Variants in ADARB2 observed in about 807,000 individuals in gnomAD.
The protein encoded by ADARB2 is adenosine deaminase RNA specific B2 (inactive).
Under a neutral mutation model 62.2 loss-of-function variants are expected in ADARB2, and 25 were observed. That is an observed-to-expected ratio of 0.40 (90% CI 0.29 to 0.56). ADARB2 has a LOEUF of 0.56. ADARB2 is among the 20% of genes least tolerant of loss of function. ADARB2 has a pLI of 0.43. For missense variants in ADARB2, 1,071 were observed against 1,077.4 expected, an observed-to-expected ratio of 0.99 and a Z score of 0.08; for synonymous variants, 572 against 500.8, an observed-to-expected ratio of 1.14 and a Z score of -1.90.
At chr10:1,293,878 G>A (rs188939113) in intron 3 of ADARB2, among the ~76,000 whole-genome samples, 1 of 152,184 alleles carries the variant, frequency 6.6e-6, no homozygotes, top group East Asian at 1.9e-4. Context: ...CTGTAAAACA[G>A]ACTTTACTCA....
intron 1 of ADARB2, among the ~76,000 whole-genome samples, chr10:1,484,704 A>T (rs1041965976): frequency 2.6e-5 from 4 of 152,130 alleles, no homozygotes; most frequent in Admixed American, 6.6e-5. Flanking sequence ...GCACATGTGT[A>T]AGTGCGTGTG....
At chr10:1,570,094 A>C (rs1832914630) in intron 1 of ADARB2, among the ~76,000 whole-genome samples, 1 of 152,174 alleles carries the variant, frequency 6.6e-6, no homozygotes, top group South Asian at 2.1e-4. Flanking sequence ...TTCACATACA[A>C]ACGTATATAC....
In ADARB2 at chr10:1,591,483, G is replaced by A. The variant is rs1437633880; in HGVS notation, c.100+145568C>T. Among the ~76,000 whole-genome samples, 12 of 152,156 alleles carry A rather than the reference G, an allele frequency of 7.9e-5. No individual in the cohort carries two copies. The East Asian group carries it at 1.5e-3, about 20-fold the overall frequency. ...CAGTGGGGCTGCATTTGGGGGCAGG[G>A]GTCTTCATGGGAGCCCCTGAGTTCA... On this transcript the variant is annotated intron_variant, in intron 1 of 9. Coordinates refer to ENST00000381312, the MANE Select transcript of ADARB2 (RefSeq NM_018702.4).
intron 1 of ADARB2, among the ~76,000 whole-genome samples, chr10:1,513,743 G>A (rs577149028): frequency 6.6e-6 from 1 of 152,318 alleles, no homozygotes; most frequent in South Asian, 2.1e-4. Flanking sequence ...TGGAGAAGGA[G>A]AAGCTCTGGG....
rs200882494 is a variant in ADARB2 at position 1,616,624 on chromosome 10, T to G, written c.100+120427A>C. Among the ~76,000 whole-genome samples, 60 of 139,248 alleles carry G rather than the reference T, an allele frequency of 4.3e-4. 2 individuals carry two copies. The East Asian group carries it at 0.013, about 29-fold the overall frequency. 91.4% of individuals were successfully genotyped at this position (139,248 alleles called of 152,430 possible). On this transcript the variant is annotated intron_variant, in intron 1 of 9. Coordinates refer to ENST00000381312, the MANE Select transcript of ADARB2 (RefSeq NM_018702.4). ...ACTGGCCTCAGAGGGTTGCATTCTG[T>G]CGCTAGATGTTTGTGTGCCCGTCCA...
intron 1 of ADARB2, among the ~76,000 whole-genome samples, chr10:1,635,136 C>T (rs188672577): frequency 7.2e-5 from 11 of 152,298 alleles, no homozygotes; most frequent in East Asian, 5.8e-4. Context: ...ATGTATCTTA[C>T]GTAGAGGAGT....
chr10:1,247,876 C>T (rs1300220654), intron 4 of ADARB2, among the ~76,000 whole-genome samples: 1 of 152,162 alleles, frequency 6.6e-6, no homozygotes, highest in Non-Finnish European at 1.5e-5. Flanking sequence ...GGGGCTGTGT[C>T]AACCCTGCAC....
chr10:1,362,968 C>CG, intron 3 of ADARB2, 60 bp downstream of exon 3: 1 of 1,260,272 alleles, frequency 7.9e-7, no homozygotes, highest in Non-Finnish European at 1.0e-6. Flanking sequence ...AGGGAAAGGT[C>CG]GGGGTCTCCC....
At chr10:1,401,645 G>A (rs1564280184) in intron 1 of ADARB2, among the ~76,000 whole-genome samples, 3 of 152,230 alleles carry the variant, frequency 2.0e-5, no homozygotes, top group Admixed American at 6.5e-5. Context: ...TGTGTATCCC[G>A]TGTCCCCATT....
intron 3 of ADARB2, among the ~76,000 whole-genome samples, chr10:1,322,026 T>G (rs1343059485): frequency 1.3e-5 from 2 of 151,522 alleles, no homozygotes; most frequent in East Asian, 1.9e-4. Context: ...CCATCCTGCC[T>G]CCTCCTCCCT....
At chr10:1,587,300 C>T (rs1335103182) in intron 1 of ADARB2, among the ~76,000 whole-genome samples, 1 of 152,192 alleles carries the variant, frequency 6.6e-6, no homozygotes, top group African/African-American at 2.4e-5. Context: ...TCCGGGGGCC[C>T]TTTAGAGACC....
chr10:1,618,770 A>G (rs943877363), intron 1 of ADARB2, among the ~76,000 whole-genome samples: 17 of 152,208 alleles, frequency 1.1e-4, no homozygotes, highest in African/African-American at 3.6e-4. Flanking sequence ...TACAAATAAA[A>G]GAGTATTGTT....
intron 1 of ADARB2, among the ~76,000 whole-genome samples, chr10:1,684,606 C>T (rs996256832): frequency 2.0e-5 from 3 of 152,198 alleles, no homozygotes; most frequent in African/African-American, 7.2e-5. Context: ...ATATGTCTCA[C>T]CAAATGGCAA....
At chr10:1,731,507 A>G (rs745487699) in intron 1 of ADARB2, among the ~76,000 whole-genome samples, 1 of 152,220 alleles carries the variant, frequency 6.6e-6, no homozygotes, top group South Asian at 2.1e-4. Context: ...CAAAAATTTT[A>G]TAAGCATTGT....
chr10:1,579,931 C>T (rs929959950), intron 1 of ADARB2, among the ~76,000 whole-genome samples: 2 of 152,164 alleles, frequency 1.3e-5, no homozygotes, highest in Non-Finnish European at 2.9e-5. Context: ...CCTTTCAGGA[C>T]TCAGGGGCTC....
At chr10:1,617,818 G>C (rs1308860112) in intron 1 of ADARB2, among the ~76,000 whole-genome samples, 2 of 152,180 alleles carry the variant, frequency 1.3e-5, no homozygotes, top group Non-Finnish European at 2.9e-5. Flanking sequence ...GCCTCAGAGG[G>C]TTTTGCATTC....
At chr10:1,280,454 T>C (rs990323493) in intron 3 of ADARB2, among the ~76,000 whole-genome samples, 1 of 152,170 alleles carries the variant, frequency 6.6e-6, no homozygotes, top group African/African-American at 2.4e-5. Context: ...TGACATCTCC[T>C]TGCTTCCAGC....
intron 1 of ADARB2, among the ~76,000 whole-genome samples, chr10:1,673,318 G>A (rs1420829100): frequency 7.9e-6 from 1 of 126,756 alleles, no homozygotes; most frequent in South Asian, 2.4e-4. Context: ...CATTTTATGT[G>A]TGTGTGTGTG....
rs193119584 is a variant in ADARB2 at position 1,717,461 on chromosome 10, T to C, written c.100+19590A>G. Among the ~76,000 whole-genome samples, 329 of 152,044 alleles carry C rather than the reference T, an allele frequency of 2.2e-3. 1 individual carries two copies. The highest frequency in any genetic ancestry group is 7.5e-3 in the African/African-American group (313 of 41,504). On this transcript the variant is annotated intron_variant, in intron 1 of 9. Coordinates refer to ENST00000381312, the MANE Select transcript of ADARB2 (RefSeq NM_018702.4). ...GAGAAGGGACTCCAGTCTCTTTCTT[T>C]CTTTTCTTTTCTGTTCTTTTCTTTC... is the stretch of plus-strand genomic sequence containing the variant.
Sources: allele counts gnomAD v4.1 joint callset (sites outside exome capture counted in the v4.1 genomes callset), GRCh38; gene constraint gnomAD v4.1.1; transcripts MANE v1.5; gene names NCBI Gene and HGNC (gene_info 2026-07-23, HGNC 2026-07-21).